Variants in KMT2A observed in about 807,000 individuals in gnomAD.
The protein encoded by KMT2A is lysine methyltransferase 2A, also known as histone-lysine N-methyltransferase 2A.
KMT2A carries 16 observed loss-of-function variants against 345.3 expected under a neutral mutation model. The ratio of observed to expected loss-of-function variants is 0.05; its 90% confidence interval spans 0.03 to 0.07. The LOEUF (loss-of-function observed/expected upper bound fraction) is 0.07. Ranked by LOEUF, KMT2A falls within the 10% of genes least tolerant of loss-of-function variation. The pLI, the probability that KMT2A is intolerant of heterozygous loss-of-function variation, is 1.00. For missense variants in KMT2A, 3,272 were observed against 4,841.6 expected (o/e 0.68, Z 9.62); for synonymous variants, 1,599 against 1,778.6 (o/e 0.90, Z 2.54).
In KMT2A at chr11:118,525,950, TTTTGTTTGTTTTGGTTTTCAA is replaced by T. The variant is rs549528801; in HGVS notation, c.*3779_*3799del. On this transcript the variant is annotated 3_prime_UTR_variant, in exon 36 of 36. Transcript: ENST00000534358. The stretch of plus-strand genomic sequence containing the variant: ...TCACACACTCTGGAAACTTGCAACT[TTTTGTTTGTTTTGGTTTTCAA>T]ATAAATATAAATATGATATATATAG... 83 of 223,262 alleles carry T rather than the reference TTTTGTTTGTTTTGGTTTTCAA, an allele frequency of 3.7e-4. No individual in the cohort carries two copies. Among genetic ancestry groups the T allele is most frequent in the African/African-American group, 1.7e-3 (76 of 44,850 alleles). 13.8% of individuals were successfully genotyped at this position (223,262 alleles called of 1,614,324 possible). A position where few individuals can be genotyped will look rare whatever the true frequency, so the allele number is the denominator to read the frequency against.
chr11:118,446,304 A>G (rs1175265362), intron 1 of KMT2A, among the ~76,000 whole-genome samples: 1 of 152,168 alleles, frequency 6.6e-6, no homozygotes, highest in East Asian at 1.9e-4. Context: ...AGCTGAGATC[A>G]CACCACTGCA....
In KMT2A at chr11:118,471,991, C is replaced by G. The variant is rs1403312035; in HGVS notation, c.832C>G (p.Leu278Val). 6.2e-7 allele frequency: 1 copy of G among 1,613,914 alleles called. No homozygotes were observed. Among genetic ancestry groups the G allele is most frequent in the Non-Finnish European group, 8.5e-7 (1 of 1,180,010 alleles). ...GATTAAAAAATTAAGAGCAGGTAAA[C>G]TCTCTCCTCTCAAGTCTAAGTTTAA... The part of the protein sequence containing the change: ...TKIKKLRAGK[L>V]SPLKSKFKTG... Residue 278 changes from leucine (L) to valine (V), a missense_variant, in exon 3 of 36, where the codon CTC (leucine) becomes GTC (valine). Physicochemically the swap from Leu to Val is conservative, Grantham distance 32. Around this residue, in one of 27 missense-constraint regions of KMT2A, gnomAD observed 412 missense variants for 511.0 expected, o/e 0.81. Transcript: ENST00000534358.
In KMT2A at chr11:118,524,557, G is replaced by A. The variant is rs1951041127; in HGVS notation, c.*2385G>A. On this transcript the variant is annotated 3_prime_UTR_variant, in exon 36 of 36. Coordinates refer to ENST00000534358, the MANE Select transcript of KMT2A (RefSeq NM_001197104.2). ...ATGGAGAAGTGCCAGCAGGGGACTG[G>A]GAAAAGCACTCTACCCAGACCTCAC... 5.5e-6 allele frequency: 1 copy of A among 183,024 alleles called. No homozygotes were observed. Among genetic ancestry groups the A allele is most frequent in the African/African-American group, 2.4e-5 (1 of 42,460 alleles). 11.3% of individuals were successfully genotyped at this position (183,024 alleles called of 1,614,324 possible).
chr11:118,484,085 A>G lies in KMT2A; in HGVS notation c.4087-98A>G, dbSNP rs1555040174. On this transcript the variant is annotated intron_variant, in intron 8 of 35. Transcript: ENST00000534358. This position sits in a 1 kb window ranked among gnomAD's most constrained non-coding sequence, Gnocchi z 4.1. ...TTTATGTTGGAAACATGTTTTTTAG[A>G]TCTATTAATAAAATTTGTCATTTGC... 3 of 1,146,920 alleles carry G rather than the reference A, an allele frequency of 2.6e-6. No individual in the cohort carries two copies. The African/African-American group carries it at 4.7e-5, about 18-fold the overall frequency. 71.0% of individuals were successfully genotyped at this position (1,146,920 alleles called of 1,614,324 possible).
rs1555036087 is a variant in KMT2A at position 118,472,755 on chromosome 11, A to G, written c.1596A>G (p.Ser532=). 1.2e-6 allele frequency: 2 copies of G among 1,613,636 alleles called. No homozygotes were observed. Among genetic ancestry groups the G allele is most frequent in the South Asian group, 1.1e-5 (1 of 91,058 alleles). Reference sequence around the variant, plus strand: ...ATGATAGGAGAAGCAGAAGGTATTCAGTGTCGGAGAGAAGTTTTGGATCTA... The same window carrying G: ...ATGATAGGAGAAGCAGAAGGTATTCGGTGTCGGAGAGAAGTTTTGGATCTA... ...ESNDRRSRRY[S]VSERSFGSRT... is the part of the protein sequence containing the mutation. The change falls in exon 3 of 36, where the codon TCA becomes TCG. Residue 532 remains serine (S), a synonymous_variant. Transcript: ENST00000534358.
rs781991205 is a variant in KMT2A at position 118,506,327 on chromosome 11, T to G, written c.10435T>G (p.Ser3479Ala). 10 of 1,614,148 alleles carry G rather than the reference T, an allele frequency of 6.2e-6. No homozygotes were observed. In the Middle Eastern group the frequency reaches 8.2e-4, roughly 133 times the overall value. ...HSSQRDLDSA[S>A]GPQVSNFTQT... ...TTCCCAGCGTGATCTTGATTCTGCTTCAGGGCCCCAGGTATCCAACTTTAC... is the reference window on the plus strand; with the variant it reads ...TTCCCAGCGTGATCTTGATTCTGCTGCAGGGCCCCAGGTATCCAACTTTAC... The change falls in exon 27 of 36, where the codon TCA (serine) becomes GCA (alanine). Residue 3479 changes from serine (S) to alanine (A), a missense_variant. Ser to Ala is a moderately conservative substitution (Grantham distance 99). This residue lies in a region of KMT2A where 748 missense variants were observed against 922.2 expected (regional missense o/e 0.81). Coordinates refer to ENST00000534358, the MANE Select transcript of KMT2A (RefSeq NM_001197104.2).
At position 118,484,358 on chromosome 11, in the gene KMT2A, C is replaced by G. The variant is rs1381405823; in HGVS notation, c.4218+44C>G. On this transcript the variant is annotated intron_variant, in intron 9 of 35. Transcript: ENST00000534358. This position sits in a 1 kb window ranked among gnomAD's most constrained non-coding sequence, Gnocchi z 4.1. ...CATAAAGTATATTGAGTGTCAAAGA[C>G]TTTAAATAAAGAAAATGCTACTACC... The G allele has an allele frequency of 1.3e-6, 2 of 1,595,274 alleles. No individual in the cohort carries two copies. Among genetic ancestry groups the G allele is most frequent in the Non-Finnish European group, 1.7e-6 (2 of 1,169,312 alleles).
chr11:118,477,154 C>T (rs1277056000), intron 4 of KMT2A, among the ~76,000 whole-genome samples, 172 bp downstream of exon 4: 4 of 152,076 alleles, frequency 2.6e-5, no homozygotes, highest in Non-Finnish European at 2.9e-5. Context: ...AGAAGGAAAA[C>T]GGGGAGGTAG....
rs782171502 is a variant in KMT2A, at chr11:118,438,064, A to G, written c.432+1120A>G. 4.6e-5 allele frequency among the ~76,000 whole-genome samples: 7 copies of G among 152,132 alleles called. No homozygotes were observed. The South Asian group carries it at 1.0e-3, about 23-fold the overall frequency. On this transcript the variant is annotated intron_variant, in intron 1 of 35. Transcript: ENST00000534358. ...TATTGATCCACCTTTTCCTAGGCCA[A>G]TCCTGGGGCTTGGAAGGGGTGGGGG...
chr11:118,501,248 A>G, intron 25 of KMT2A, 101 bp downstream of exon 25: 2 of 1,076,802 alleles, frequency 1.9e-6, no homozygotes, highest in Non-Finnish European at 1.4e-6. Flanking sequence ...ACTTGAGGCC[A>G]GGAGTTCAAG....
At position 118,503,259 on chromosome 11, in the gene KMT2A, C is replaced by T. The variant is rs782162747; in HGVS notation, c.7367C>T (p.Thr2456Ile). Residue 2456 changes from threonine (T) to isoleucine (I), a missense_variant, in exon 27 of 36, where the codon ACA becomes ATA. Thr to Ile is a moderately conservative substitution (Grantham distance 89). Coordinates refer to ENST00000534358, the MANE Select transcript of KMT2A (RefSeq NM_001197104.2). The surrounding 1 kb of genome is among the most constrained non-coding windows in gnomAD (Gnocchi z 5.3). ...TCTTTTTTGGAACCTGGTCAGGTGA[C>T]AACTGGTGAGGAAGGAAACTTGAAG... ...SKSFLEPGQV[T>I]TGEEGNLKPE... is the part of the protein sequence containing the mutation. 2.5e-6 allele frequency: 4 copies of T among 1,614,108 alleles called. No homozygotes were observed. Among genetic ancestry groups the T allele is most frequent in the East Asian group, 2.2e-5 (1 of 44,876 alleles).
At chr11:118,483,114 T>C (rs1950166239) in intron 8 of KMT2A, among the ~76,000 whole-genome samples, 1 of 150,838 alleles carries the variant, frequency 6.6e-6, no homozygotes, top group African/African-American at 2.4e-5. Flanking sequence ...GTGCTTGTAA[T>C]CCTAGCTACT....
chr11:118,517,191 C>T (rs1950833958), intron 31 of KMT2A, among the ~76,000 whole-genome samples: 2 of 151,592 alleles, frequency 1.3e-5, no homozygotes, highest in South Asian at 2.1e-4. Context: ...GTCAGGAGAT[C>T]GACACCATCC....
rs1951032665 is a variant in KMT2A, at chr11:118,524,230, G to A, written c.*2058G>A. ...GCACAGTCTGACCACTCACGATAAA[G>A]CAGATTTTTCTCTGCCTCTGCCACA... On this transcript the variant is annotated 3_prime_UTR_variant, in exon 36 of 36. Transcript: ENST00000534358. The A allele has an allele frequency of 1.1e-5, 2 of 183,386 alleles. No homozygotes were observed. The highest frequency in any genetic ancestry group is 2.3e-5 in the Non-Finnish European group (2 of 85,970). The allele number at this position is 183,386 out of a possible 1,614,324, so 11.4% of individuals were successfully genotyped here.
chr11:118,454,166 C>G (rs2134207591), intron 1 of KMT2A, among the ~76,000 whole-genome samples: 1 of 152,318 alleles, frequency 6.6e-6, no homozygotes, highest in South Asian at 2.1e-4. Flanking sequence ...CACATAGCAA[C>G]AGTAAACTCT....
intron 31 of KMT2A, among the ~76,000 whole-genome samples, chr11:118,512,549 C>T (rs1445463407): frequency 6.6e-6 from 1 of 152,134 alleles, no homozygotes; most frequent in Admixed American, 6.5e-5. Context: ...AGTCAGTGGA[C>T]ATTTGGGTTT....
chr11:118,503,132 T>A lies in KMT2A; in HGVS notation c.7240T>A (p.Ser2414Thr), dbSNP rs781865040. 30 of 1,613,506 alleles carry A rather than the reference T, an allele frequency of 1.9e-5. No homozygotes were observed. Among genetic ancestry groups the A allele is most frequent in the Admixed American group, 1.7e-5 (1 of 59,982 alleles). The change falls in exon 27 of 36, where the codon TCA (serine) becomes ACA (threonine). Residue 2414 changes from serine to threonine, a missense_variant. Coordinates refer to ENST00000534358, the MANE Select transcript of KMT2A (RefSeq NM_001197104.2). The surrounding 1 kb of genome is among the most constrained non-coding windows in gnomAD (Gnocchi z 5.3). The part of the protein sequence containing the change: ...TLKLSGMSNR[S>T]SIINEHMGSS... Reference sequence around the variant, plus strand: ...GAAGCTATCTGGAATGAGCAACAGATCATCCATTATCAACGAACATATGGG... The same window carrying A: ...GAAGCTATCTGGAATGAGCAACAGAACATCCATTATCAACGAACATATGGG...
Position 118,472,684 on chromosome 11 carries a change from G to C in KMT2A, c.1525G>C (p.Val509Leu), listed in dbSNP as rs1949964269. 4.3e-6 allele frequency: 7 copies of C among 1,613,290 alleles called. No individual in the cohort carries two copies. Among genetic ancestry groups the C allele is most frequent in the Non-Finnish European group, 5.9e-6 (7 of 1,179,920 alleles). ...LPEERSDTPE[V>L]HPPLPISQSP... Reference sequence around the variant, plus strand: ...TGAGGAGCGGAGCGATACCCCTGAAGTTCATCCTCCACTGCCCATTTCCCA... The same window carrying C: ...TGAGGAGCGGAGCGATACCCCTGAACTTCATCCTCCACTGCCCATTTCCCA... The change falls in exon 3 of 36, where the codon GTT becomes CTT. Residue 509 changes from valine to leucine, a missense_variant. Around this residue, in one of 27 missense-constraint regions of KMT2A, gnomAD observed 180 missense variants for 190.7 expected, o/e 0.94. Transcript: ENST00000534358.
rs1366716099 is a variant in KMT2A, at chr11:118,522,902, TTCCCC to T, written c.*732_*736del. 4.4e-6 allele frequency: 1 copy of T among 225,500 alleles called. No homozygotes were observed. Among genetic ancestry groups the T allele is most frequent in the Non-Finnish European group, 8.8e-6 (1 of 113,030 alleles). 14.0% of individuals were successfully genotyped at this position (225,500 alleles called of 1,614,324 possible). On this transcript the variant is annotated 3_prime_UTR_variant, in exon 36 of 36. Coordinates refer to ENST00000534358, the MANE Select transcript of KMT2A (RefSeq NM_001197104.2). This position sits in a 1 kb window ranked among gnomAD's most constrained non-coding sequence, Gnocchi z 5.4. ...TCCCTCTTCACTCCCTTTTCTTCCT[TTCCCC>T]TGTCTTCATGCCACTGCTTTCCCAT...
Sources: allele counts gnomAD v4.1 joint callset (sites outside exome capture counted in the v4.1 genomes callset), GRCh38; gene constraint gnomAD v4.1.1; regional missense constraint gnomAD v4.1.1; non-coding constraint Gnocchi (gnomAD v3.1); transcripts MANE v1.5; gene names NCBI Gene and HGNC (gene_info 2026-07-23, HGNC 2026-07-21).